ROBO2: variants seen among roughly 807,000 people sequenced by gnomAD.
ROBO2 encodes the protein roundabout homolog 2.
In ROBO2, 53 loss-of-function variants were observed where a neutral mutation model predicts 160.8. That is an observed-to-expected ratio of 0.33 (90% CI 0.26 to 0.41). ROBO2 has a LOEUF of 0.41. ROBO2 is among the 10% of genes least tolerant of loss of function. The pLI, the probability that ROBO2 is intolerant of heterozygous loss-of-function variation, is 1.00. For missense variants in ROBO2, 1,577 were observed against 1,722.4 expected (o/e 0.92, Z 1.49); for synonymous variants, 664 against 611.7 (o/e 1.09, Z -1.26).
intron 2 of ROBO2, among the ~76,000 whole-genome samples, chr3:76,415,925 A>G (rs2075739571): frequency 6.6e-6 from 1 of 152,144 alleles, no homozygotes; most frequent in Non-Finnish European, 1.5e-5. Context: ...TTAATAATAC[A>G]TCATGTTAAA....
At chr3:76,194,372 A>ATATATATG (rs1224432854) in intron 2 of ROBO2, among the ~76,000 whole-genome samples, 1 of 122,218 alleles carries the variant, frequency 8.2e-6, no homozygotes, top group Non-Finnish European at 1.7e-5. Context: ...ATATATATAT[A>ATATATATG]TATATATATA....
intron 2 of ROBO2, among the ~76,000 whole-genome samples, chr3:77,255,905 C>T (rs1484474841): frequency 6.6e-6 from 1 of 152,190 alleles, no homozygotes; most frequent in Non-Finnish European, 1.5e-5. Context: ...CATTTAGTTG[C>T]ATTCATAAAC....
chr3:77,562,819 T>C (rs2153662226), intron 10 of ROBO2, 87 bp downstream of exon 11: 1 of 959,078 alleles, frequency 1.0e-6, no homozygotes, highest in South Asian at 1.4e-5. Flanking sequence ...GATCAAAGTG[T>C]TTAATTCACT....
intron 1 of ROBO2, among the ~76,000 whole-genome samples, chr3:77,079,427 C>A (rs1342658393): frequency 6.6e-6 from 1 of 152,018 alleles, no homozygotes; most frequent in African/African-American, 2.4e-5. Flanking sequence ...TTCCTAACAA[C>A]AAAGGTCTTC....
intron 1 of ROBO2, among the ~76,000 whole-genome samples, chr3:77,064,483 C>T (rs995209980): frequency 4.0e-5 from 6 of 151,734 alleles, no homozygotes; most frequent in African/African-American, 1.5e-4. Context: ...GCCTCAGCCT[C>T]CCAAGTAGCT....
At chr3:76,302,539 G>A (rs1038525255) in intron 2 of ROBO2, among the ~76,000 whole-genome samples, 4 of 152,060 alleles carry the variant, frequency 2.6e-5, no homozygotes, top group South Asian at 2.1e-4. Context: ...GCACAATGAC[G>A]TTTTGGTCAG....
chr3:76,011,300 A>G (rs1040081021), intron 2 of ROBO2, among the ~76,000 whole-genome samples: 1 of 152,150 alleles, frequency 6.6e-6, no homozygotes, highest in Admixed American at 6.5e-5. Context: ...CATTGTTGAG[A>G]TGCTGCCAGC....
At position 77,473,440 on chromosome 3, in the gene ROBO2, C is replaced by CTTTTTTTTTTTTTT. The variant is rs71104688; in HGVS notation, c.389-3950_389-3937dup. On this transcript the variant is annotated intron_variant, in intron 2 of 25. Coordinates refer to ENST00000461745, the Ensembl canonical transcript of ROBO2. ...CTGCAGTTCGATTTTACAAACTGCT[C>CTTTTTTTTTTTTTT]TTTTTTTTTTTTTTTTTTTTTTTTT... 1.0e-4 allele frequency among the ~76,000 whole-genome samples: 8 copies of CTTTTTTTTTTTTTT among 77,936 alleles called. 2 individuals are homozygous for CTTTTTTTTTTTTTT. The highest frequency in any genetic ancestry group is 2.8e-4 in the African/African-American group (6 of 21,504). The allele number at this position is 77,936 out of a possible 152,430, so 51.1% of individuals were successfully genotyped here. A position where few individuals can be genotyped will look rare whatever the true frequency, so the allele number is the denominator to read the frequency against.
chr3:75,989,580 A>G (rs965861667), intron 2 of ROBO2, among the ~76,000 whole-genome samples: 1 of 152,238 alleles, frequency 6.6e-6, no homozygotes, highest in African/African-American at 2.4e-5. Flanking sequence ...AGAAGTAAAT[A>G]ACTTCTTAGG....
At chr3:77,028,164 C>A (rs992757608) in intron 2 of ROBO2, among the ~76,000 whole-genome samples, 2 of 152,020 alleles carry the variant, frequency 1.3e-5, no homozygotes, top group South Asian at 2.1e-4. Context: ...CAACTGCCAA[C>A]GTTTTTCTCA....
intron 20 of ROBO2, chr3:77,603,972 G>A (rs2094478358): frequency 6.6e-6 from 1 of 152,090 alleles, no homozygotes. Flanking sequence ...AAAGACTATA[G>A]TGTATTATGG....
intron 3 of ROBO2, among the ~76,000 whole-genome samples, chr3:77,478,414 A>C (rs1299619807): frequency 6.6e-6 from 1 of 152,238 alleles, no homozygotes; most frequent in Non-Finnish European, 1.5e-5. Flanking sequence ...CTGATTCTGC[A>C]TGTAGAAAAA....
intron 2 of ROBO2, among the ~76,000 whole-genome samples, chr3:76,363,504 A>T (rs967434360): frequency 1.3e-5 from 2 of 152,116 alleles, no homozygotes; most frequent in Non-Finnish European, 2.9e-5. Flanking sequence ...TGACAACAAG[A>T]ACAGGTAGTT....
intron 2 of ROBO2, among the ~76,000 whole-genome samples, chr3:76,063,952 T>G (rs1559880705): frequency 1.3e-5 from 2 of 152,170 alleles, no homozygotes; most frequent in South Asian, 2.1e-4. Context: ...AGTAAGCTGC[T>G]ATGTTTTGAG....
intron 1 of ROBO2, among the ~76,000 whole-genome samples, chr3:75,921,443 A>C (rs1470345407): frequency 6.6e-6 from 1 of 152,128 alleles, no homozygotes; most frequent in African/African-American, 2.4e-5. Context: ...ATAGAAAAAA[A>C]AATTGGTAAT....
rs1186583514 is a variant in ROBO2, at chr3:77,136,643, T to TG, written c.388+38303_388+38304insG. Reference sequence around the variant, plus strand: ...GCATGTGCCACTACACCCAATTAATTTTTTTTTTTTTTTTGAGACTGAGTC... The same window carrying TG: ...GCATGTGCCACTACACCCAATTAATTGTTTTTTTTTTTTTTGAGACTGAGTC... On this transcript the variant is annotated intron_variant, in intron 2 of 25. Coordinates refer to ENST00000461745, the Ensembl canonical transcript of ROBO2. Among the ~76,000 whole-genome samples the TG allele has an allele frequency of 2.1e-5, 3 of 146,270 alleles. No homozygotes were observed. In the East Asian group the frequency reaches 6.0e-4, roughly 29 times the overall value.
At chr3:76,034,910 G>C (rs954657450) in intron 2 of ROBO2, among the ~76,000 whole-genome samples, 1 of 152,062 alleles carries the variant, frequency 6.6e-6, no homozygotes, top group Admixed American at 6.5e-5. Context: ...CTAGTTCAGC[G>C]CTCTCTGTTG....
chr3:76,351,498 T>G (rs898487722), intron 2 of ROBO2, among the ~76,000 whole-genome samples: 1 of 151,950 alleles, frequency 6.6e-6, no homozygotes, highest in African/African-American at 2.4e-5. Flanking sequence ...ACACTTAGAA[T>G]AGGGGTCCTG....
intron 2 of ROBO2, among the ~76,000 whole-genome samples, chr3:76,813,736 C>A (rs1297379499): frequency 6.6e-6 from 1 of 152,088 alleles, no homozygotes; most frequent in Non-Finnish European, 1.5e-5. Flanking sequence ...TACACATATG[C>A]ATTTTTTTCA....
Sources: gnomAD v4.1 joint callset for allele counts (sites outside exome capture counted in the v4.1 genomes callset) on GRCh38, gnomAD v4.1.1 for gene constraint, MANE v1.5 for transcripts, NCBI Gene and HGNC (gene_info 2026-07-23, HGNC 2026-07-21) for gene names.